The following SYNE2 variants were observed in gnomAD, a reference collection of about 807,000 sequenced individuals.
The protein encoded by SYNE2 is nesprin-2.
A neutral mutation model predicts 856.3 loss-of-function variants in SYNE2; 431 were observed. That is an observed-to-expected ratio of 0.50 (90% CI 0.47 to 0.55). The LOEUF (loss-of-function observed/expected upper bound fraction) is 0.55, where lower values mean the gene tolerates loss of function less well. Among genes scored for constraint, SYNE2 ranks in the 20% least tolerant of loss-of-function variants. SYNE2 has a pLI of 0.00. For missense variants in SYNE2, 8,129 were observed against 8,023.2 expected, an observed-to-expected ratio of 1.01 and a Z score of -0.50; for synonymous variants, 2,923 against 2,872.3, an observed-to-expected ratio of 1.02 and a Z score of -0.56.
intron 1 of SYNE2, among the ~76,000 whole-genome samples, chr14:63,835,012 A>G (rs1407149957): frequency 6.6e-6 from 1 of 152,114 alleles, no homozygotes; most frequent in Non-Finnish European, 1.5e-5. Flanking sequence ...AGTTCAGATA[A>G]CAAGTAAATA....
At chr14:64,121,172 C>G (rs2097895275) in intron 68 of SYNE2, 111 bp downstream of exon 68, 2 of 1,496,026 alleles carry the variant, frequency 1.3e-6, no homozygotes, top group South Asian at 2.3e-5. Flanking sequence ...GGAGGATCAC[C>G]TGTGGCCAGG....
intron 1 of SYNE2, among the ~76,000 whole-genome samples, chr14:63,797,100 G>T (rs1405716489): frequency 2.0e-5 from 3 of 147,696 alleles, no homozygotes; most frequent in African/African-American, 7.5e-5. Flanking sequence ...AAAAAGAAAA[G>T]AAAAGAAAAG....
rs1193534343 is a variant in SYNE2, at chr14:64,021,298, A to G, written c.5152-17A>G. 4.4e-6 allele frequency: 7 copies of G among 1,598,072 alleles called. No homozygotes were observed. Among genetic ancestry groups the G allele is most frequent in the Admixed American group, 1.7e-5 (1 of 59,966 alleles). On this transcript the variant is annotated splice_polypyrimidine_tract_variant and intron_variant, in intron 35 of 115. Transcript: ENST00000555002. The stretch of plus-strand genomic sequence containing the variant: ...AATAATGACTGTTATACAACTTCAT[A>G]TATTTCATGATTTCAGGTCATGGAG...
chr14:64,127,092 C>T (rs566297291), intron 73 of SYNE2, among the ~76,000 whole-genome samples: 17 of 152,208 alleles, frequency 1.1e-4, no homozygotes, highest in African/African-American at 4.1e-4. Context: ...GAAACCCCAT[C>T]TCTACTAAAA....
chr14:64,162,419 G>T lies in SYNE2; in HGVS notation c.16299+143G>T, dbSNP rs893346897. 6.9e-6 allele frequency: 6 copies of T among 874,536 alleles called. No homozygotes were observed. The African/African-American group carries it at 9.9e-5, about 14-fold the overall frequency. 54.2% of individuals were successfully genotyped at this position (874,536 alleles called of 1,614,324 possible). On this transcript the variant is annotated intron_variant, in intron 88 of 115. Coordinates refer to ENST00000555002, the MANE Select transcript of SYNE2 (RefSeq NM_182914.3). ...TGTGAACTTGCCATGTAGGACATAGGCAAGGCTGGGAGGACCAGGTGGTGG... is the reference window on the plus strand; with the variant it reads ...TGTGAACTTGCCATGTAGGACATAGTCAAGGCTGGGAGGACCAGGTGGTGG...
chr14:64,208,318 A>G, intron 100 of SYNE2: 1 of 370,292 alleles, frequency 2.7e-6, no homozygotes, highest in Non-Finnish European at 5.2e-6. Context: ...GTAGCTGATA[A>G]AAGATTGAGA....
chr14:64,217,806 C>T (rs2098673790), intron 108 of SYNE2, among the ~76,000 whole-genome samples: 1 of 152,090 alleles, frequency 6.6e-6, no homozygotes, highest in Non-Finnish European at 1.5e-5. Flanking sequence ...ACAAAGAAAG[C>T]AGGGCTTTTC....
At chr14:63,900,086 G>T (rs573856942) in intron 1 of SYNE2, among the ~76,000 whole-genome samples, 19 of 152,294 alleles carry the variant, frequency 1.2e-4, no homozygotes, top group African/African-American at 4.3e-4. Flanking sequence ...CAGGGCCAGC[G>T]GAAGGCTCTT....
chr14:64,074,180 C>A, intron 53 of SYNE2, 44 bp downstream of exon 53: 2 of 1,585,520 alleles, frequency 1.3e-6, no homozygotes, highest in Non-Finnish European at 1.7e-6. Context: ...TACAGGCCCA[C>A]AGTCTTGTAT....
In SYNE2 at chr14:63,937,453, A is replaced by G. The variant is rs2095847903; in HGVS notation, c.80-3161A>G. On this transcript the variant is annotated intron_variant, in intron 2 of 115. Transcript: ENST00000555002. The stretch of plus-strand genomic sequence containing the variant: ...AGGGATGGGATATAGTGTACAAGTG[A>G]AAGGATTGGCTTTAGTTCTGAGCAA... 3.3e-5 allele frequency among the ~76,000 whole-genome samples: 5 copies of G among 152,298 alleles called. 1 individual carries two copies. In the South Asian group the frequency reaches 1.0e-3, roughly 32 times the overall value.
intron 2 of SYNE2, among the ~76,000 whole-genome samples, chr14:63,914,106 T>C (rs2095507831): frequency 6.6e-6 from 1 of 152,226 alleles, no homozygotes; most frequent in African/African-American, 2.4e-5. Context: ...TAATAGGTGC[T>C]TCCTTTTATT....
chr14:63,963,819 T>C, intron 9 of SYNE2, 80 bp from the exon 10 acceptor site: 1 of 856,094 alleles, frequency 1.2e-6, no homozygotes, highest in Admixed American at 2.0e-5. Flanking sequence ...ATTTCACTGA[T>C]GTTTCAAGTT....
intron 58 of SYNE2, among the ~76,000 whole-genome samples, chr14:64,088,121 T>C (rs2153622871): frequency 6.6e-6 from 1 of 152,292 alleles, no homozygotes; most frequent in East Asian, 1.9e-4. Flanking sequence ...AGGCAGAGGT[T>C]GCAGTGAGCC....
chr14:64,220,730 GT>G (rs2098690467), intron 111 of SYNE2, 93 bp downstream of exon 111: 7 of 1,424,018 alleles, frequency 4.9e-6, no homozygotes, highest in Non-Finnish European at 6.8e-6. Context: ...GGCTGCTTCC[GT>G]GCAGCCAAAT....
Position 64,065,582 on chromosome 14 carries a change from G to A in SYNE2, c.10363G>A (p.Glu3455Lys). 1 of 1,614,172 alleles carries A rather than the reference G, an allele frequency of 6.2e-7. No individual in the cohort carries two copies. The highest frequency in any genetic ancestry group is 1.1e-5 in the South Asian group (1 of 91,082). ...GTGGGAGAAATGGCTGAGTTTGCTG[G>A]AAGCTGCTAAAGAGTGGGAGATGTG... The part of the protein sequence containing the change: ...ALWEKWLSLL[E>K]AAKEWEMWCE... The change falls in exon 51 of 116, where the codon GAA (glutamate) becomes AAA (lysine). Residue 3455 changes from glutamate to lysine, a missense_variant. Around this residue, in one of 3 missense-constraint regions of SYNE2, gnomAD observed 5,410 missense variants for 5,284.8 expected, o/e 1.02. Coordinates refer to ENST00000555002, the MANE Select transcript of SYNE2 (RefSeq NM_182914.3).
chr14:64,025,727 T>C (rs1186783040), intron 41 of SYNE2, among the ~76,000 whole-genome samples: 1 of 152,132 alleles, frequency 6.6e-6, no homozygotes, highest in Non-Finnish European at 1.5e-5. Flanking sequence ...GGAGGGAGTT[T>C]GCTAGGATGT....
At chr14:64,217,121 C>G (rs1411090306) in intron 108 of SYNE2, among the ~76,000 whole-genome samples, 1 of 152,220 alleles carries the variant, frequency 6.6e-6, no homozygotes, top group East Asian at 1.9e-4. Flanking sequence ...ATTCCTAGCC[C>G]TGCCAATCCA....
chr14:64,195,797 A>G (rs1376307838), intron 99 of SYNE2, among the ~76,000 whole-genome samples: 1 of 152,190 alleles, frequency 6.6e-6, no homozygotes, highest in African/African-American at 2.4e-5. Flanking sequence ...CTAGTCACGA[A>G]GTTGACTTGC....
In SYNE2 at chr14:63,970,968, T is replaced by A. The variant is rs145540364; in HGVS notation, c.1128+3122T>A. On this transcript the variant is annotated intron_variant, in intron 11 of 115. Coordinates refer to ENST00000555002, the MANE Select transcript of SYNE2 (RefSeq NM_182914.3). ...GTGCCTGGCCCCCGTTTCTCCCTTTTTTGCCTGGTTTTGGATCATACGTTT... is the reference window on the plus strand; with the variant it reads ...GTGCCTGGCCCCCGTTTCTCCCTTTATTGCCTGGTTTTGGATCATACGTTT... Among the ~76,000 whole-genome samples, 18 of 152,088 alleles carry A rather than the reference T, an allele frequency of 1.2e-4. No individual in the cohort carries two copies. The East Asian group carries it at 3.5e-3, about 29-fold the overall frequency.
Sources: gnomAD v4.1 joint callset for allele counts (sites outside exome capture counted in the v4.1 genomes callset) on GRCh38, gnomAD v4.1.1 for gene constraint, gnomAD v4.1.1 regional missense constraint, MANE v1.5 for transcripts, NCBI Gene and HGNC (gene_info 2026-07-23, HGNC 2026-07-21) for gene names.